DPF3: variants seen among roughly 807,000 people sequenced by gnomAD.
DPF3 encodes zinc finger protein DPF3.
In DPF3, 18 loss-of-function variants were observed where a neutral mutation model predicts 56.8. The observed-to-expected ratio is 0.32, with a 90% CI of 0.22 to 0.47. The LOEUF is 0.47. DPF3 is among the 20% of genes least tolerant of loss of function. The pLI is 1.00. For missense variants in DPF3, 403 were observed against 488.8 expected, an observed-to-expected ratio of 0.82 and a Z score of 1.65; for synonymous variants, 188 against 180.2, an observed-to-expected ratio of 1.04 and a Z score of -0.35.
intron 8 of DPF3, chr14:72,661,037 G>C (rs574965390): frequency 1.0e-6 from 1 of 985,236 alleles, no homozygotes; most frequent in Admixed American, 6.1e-5. Context: ...ATTTTACAGA[G>C]ATGCTATAGG....
intron 4 of DPF3, among the ~76,000 whole-genome samples, chr14:72,728,635 G>A (rs1330576863): frequency 6.6e-6 from 1 of 152,044 alleles, no homozygotes; most frequent in Non-Finnish European, 1.5e-5. Context: ...CTGGGGACAG[G>A]GCGATTCCTG....
At chr14:72,785,570 G>A (rs771735177) in intron 1 of DPF3, among the ~76,000 whole-genome samples, 2 of 152,176 alleles carry the variant, frequency 1.3e-5, no homozygotes, top group Non-Finnish European at 2.9e-5. Context: ...GGAGGCACTA[G>A]AACACTTCCT....
intron 2 of DPF3, among the ~76,000 whole-genome samples, chr14:72,756,856 GAAAGA>G (rs1890822643): frequency 9.5e-6 from 1 of 104,784 alleles, no homozygotes; most frequent in African/African-American, 3.9e-5. Context: ...AAGAAAGAAA[GAAAGA>G]AAGAAAGAAA....
chr14:72,733,234 A>C (rs1889747259), intron 3 of DPF3, among the ~76,000 whole-genome samples: 2 of 152,136 alleles, frequency 1.3e-5, no homozygotes. Flanking sequence ...TTACCATTGC[A>C]CCAGGTAAGC....
intron 7 of DPF3, among the ~76,000 whole-genome samples, chr14:72,687,220 C>A (rs947146054): frequency 6.6e-6 from 1 of 152,166 alleles, no homozygotes; most frequent in Non-Finnish European, 1.5e-5. Flanking sequence ...ACCACCCTTG[C>A]ACAAAAGGCT....
chr14:72,771,607 GC>G, intron 2 of DPF3, 125 bp downstream of exon 2: 1 of 1,132,338 alleles, frequency 8.8e-7, no homozygotes, highest in South Asian at 1.8e-5. Context: ...TATCTCAGAG[GC>G]CCATGTGCAG....
chr14:72,650,650 A>G (rs1885880968), intron 8 of DPF3, among the ~76,000 whole-genome samples: 1 of 152,100 alleles, frequency 6.6e-6, no homozygotes, highest in African/African-American at 2.4e-5. Context: ...TGCACACCCC[A>G]TAGGTACCCT....
At chr14:72,806,502 A>G (rs1882789657) in intron 1 of DPF3, among the ~76,000 whole-genome samples, 1 of 152,214 alleles carries the variant, frequency 6.6e-6, no homozygotes, top group East Asian at 1.9e-4. Context: ...AAGGGCTTTC[A>G]AAGACTCAAA....
At position 72,612,731 on chromosome 14, in the gene DPF3, T is replaced by G; in HGVS notation, c.*6566A>C. ...CCCTTTGATAGCAGAATTGAGACTT[T>G]TGAAGTACCCAACTATTGCCAAATA... is the stretch of plus-strand genomic sequence containing the variant. On this transcript the variant is annotated 3_prime_UTR_variant, in exon 11 of 11. Coordinates refer to ENST00000556509, the MANE Select transcript of DPF3 (RefSeq NM_001280542.3). 1 of 417,932 alleles carries G rather than the reference T, an allele frequency of 2.4e-6. No homozygotes were observed. Among genetic ancestry groups the G allele is most frequent in the Non-Finnish European group, 4.8e-6 (1 of 208,862 alleles). 25.9% of individuals were successfully genotyped at this position (417,932 alleles called of 1,614,324 possible).
chr14:72,753,319 C>T lies in DPF3; in HGVS notation c.246G>A (p.Lys82=). 1 of 1,613,640 alleles carries T rather than the reference C, an allele frequency of 6.2e-7. No homozygotes were observed. Among genetic ancestry groups the T allele is most frequent in the Non-Finnish European group, 8.5e-7 (1 of 1,179,852 alleles). ...GATCTTCAGGTGGGTGCAATCGTCT[C>T]TTCTTGCGCCAGCAGCGGGCAGGGT... ...YTYPARCWRK[K]RRLHPPEDPK... is the part of the protein sequence containing the mutation. The change falls in exon 3 of 11, where the codon AAG becomes AAA. Residue 82 remains lysine, a synonymous_variant. Transcript: ENST00000556509.
At chr14:72,625,678 A>G (rs977766878) in intron 9 of DPF3, among the ~76,000 whole-genome samples, 4 of 152,216 alleles carry the variant, frequency 2.6e-5, no homozygotes, top group Non-Finnish European at 4.4e-5. Context: ...ACATGCATAC[A>G]TCTCTACTTA....
intron 1 of DPF3, among the ~76,000 whole-genome samples, chr14:72,876,333 AC>A (rs1886113519): frequency 6.6e-6 from 1 of 152,074 alleles, no homozygotes; most frequent in African/African-American, 2.4e-5. Context: ...GTCCAGTTCA[AC>A]CCCTTAGTGA....
At chr14:72,843,661 G>A (rs1301510782) in intron 1 of DPF3, among the ~76,000 whole-genome samples, 1 of 152,224 alleles carries the variant, frequency 6.6e-6, no homozygotes, top group East Asian at 1.9e-4. Flanking sequence ...TCCGGCCTCA[G>A]CCTCCTGAGT....
intron 6 of DPF3, among the ~76,000 whole-genome samples, chr14:72,705,766 C>T (rs899057298): frequency 1.3e-5 from 2 of 152,198 alleles, no homozygotes; most frequent in Non-Finnish European, 2.9e-5. Flanking sequence ...TTGATTCTGG[C>T]CTGGGCCCTG....
At position 72,751,525 on chromosome 14, in the gene DPF3, T is replaced by C. The variant is rs185435924; in HGVS notation, c.301+1739A>G. Among the ~76,000 whole-genome samples, 69 of 152,348 alleles carry C rather than the reference T, an allele frequency of 4.5e-4. 1 individual carries two copies. Among genetic ancestry groups the C allele is most frequent in the Admixed American group, 3.8e-3 (58 of 15,304 alleles). ...GCAGGCCAGGACCGCACTTTGAATG[T>C]AGGTCTAGAACCACACTGATCAATA... is the stretch of plus-strand genomic sequence containing the variant. On this transcript the variant is annotated intron_variant, in intron 3 of 10. Coordinates refer to ENST00000556509, the MANE Select transcript of DPF3 (RefSeq NM_001280542.3).
At position 72,883,926 on chromosome 14, in the gene DPF3, CAAA is replaced by C. The variant is rs5809597; in HGVS notation, c.32+10128_32+10130del. Among the ~76,000 whole-genome samples the C allele has an allele frequency of 1.6e-4, 20 of 121,648 alleles. No homozygotes were observed. The South Asian group carries it at 3.6e-3, about 22-fold the overall frequency. The allele number at this position is 121,648 out of a possible 152,430, so 79.8% of individuals were successfully genotyped here. A position where few individuals can be genotyped will look rare whatever the true frequency, so the allele number is the denominator to read the frequency against. ...TAGGCGACAGAGTGAGACTCTGTCT[CAAA>C]AAAAAAAAAAAAAGAAAAAGAAAAA... On this transcript the variant is annotated intron_variant, in intron 1 of 10. Coordinates refer to ENST00000556509, the MANE Select transcript of DPF3 (RefSeq NM_001280542.3).
At chr14:72,656,470 A>T (rs1252005014) in intron 8 of DPF3, among the ~76,000 whole-genome samples, 1 of 152,246 alleles carries the variant, frequency 6.6e-6, no homozygotes, top group Admixed American at 6.5e-5. Flanking sequence ...AAGCAGATTG[A>T]TGCTAAACCA....
chr14:72,888,118 G>A lies in DPF3; in HGVS notation c.32+5939C>T, dbSNP rs189481179. Among the ~76,000 whole-genome samples, 410 of 152,144 alleles carry A rather than the reference G, an allele frequency of 2.7e-3. 4 individuals are homozygous for A. Among genetic ancestry groups the A allele is most frequent in the African/African-American group, 9.4e-3 (390 of 41,494 alleles). On this transcript the variant is annotated intron_variant, in intron 1 of 10. Coordinates refer to ENST00000556509, the MANE Select transcript of DPF3 (RefSeq NM_001280542.3). ...GGCCTGGCTGGTGAGGACTCAATGC[G>A]GGCTATTTGAACCCCATTATTAGGA...
chr14:72,644,726 G>T (rs915034765), intron 8 of DPF3, among the ~76,000 whole-genome samples: 1 of 152,172 alleles, frequency 6.6e-6, no homozygotes, highest in African/African-American at 2.4e-5. Context: ...AAAGATTCAC[G>T]AGGCCCTTCT....
Sources: allele counts gnomAD v4.1 joint callset (sites outside exome capture counted in the v4.1 genomes callset), GRCh38; gene constraint gnomAD v4.1.1; transcripts MANE v1.5; gene names NCBI Gene and HGNC (gene_info 2026-07-23, HGNC 2026-07-21).